Variants in REDIC1 observed in about 807,000 individuals in gnomAD.
REDIC1 encodes HEI10 Interacting Protein 1.
chr12:39,697,680 G>C, the REDIC1 span, among the ~76,000 whole-genome samples: 1 of 152,062 alleles, frequency 6.6e-6, no homozygotes, highest in Non-Finnish European at 1.5e-5. Flanking sequence ...CAATTAAGTT[G>C]TTATCAGCTT....
the REDIC1 span, among the ~76,000 whole-genome samples, chr12:39,877,936 G>T: frequency 6.6e-6 from 1 of 152,150 alleles, no homozygotes; most frequent in Non-Finnish European, 1.5e-5. Flanking sequence ...CTCAAGGTTT[G>T]GTGCTAAATC....
chr12:39,677,220 A>C, the REDIC1 span, among the ~76,000 whole-genome samples: 6 of 152,206 alleles, frequency 3.9e-5, no homozygotes, highest in Admixed American at 2.0e-4. Context: ...ATAAGAATTC[A>C]CATAAACTTA....
chr12:39,896,574 A>G, the REDIC1 span, among the ~76,000 whole-genome samples: 698 of 137,408 alleles, frequency 5.1e-3, 9 homozygotes, highest in African/African-American at 0.016. Flanking sequence ...ATATGTATGT[A>G]TGTGTGTATA....
At chr12:39,632,651 A>G in the REDIC1 span, among the ~76,000 whole-genome samples, 1 of 152,178 alleles carries the variant, frequency 6.6e-6, no homozygotes, top group African/African-American at 2.4e-5. Flanking sequence ...GTTATTGTGT[A>G]AACATCATAG....
chr12:39,783,758 G>T, the REDIC1 span, among the ~76,000 whole-genome samples: 1 of 152,182 alleles, frequency 6.6e-6, no homozygotes, highest in South Asian at 2.1e-4. Flanking sequence ...GTAGATTCTG[G>T]ATATTAGATG....
the REDIC1 span, among the ~76,000 whole-genome samples, chr12:39,712,433 C>A: frequency 1.0e-5 from 1 of 100,220 alleles, no homozygotes; most frequent in Non-Finnish European, 2.1e-5. Flanking sequence ...CGTATATATA[C>A]ATACGTATAT....
At chr12:39,713,078 TAC>T in the REDIC1 span, among the ~76,000 whole-genome samples, 34 of 148,024 alleles carry the variant, frequency 2.3e-4, no homozygotes, top group Non-Finnish European at 3.0e-4. Context: ...TACACGTGCA[TAC>T]GTGTATGTGT....
At chr12:39,747,814 A>G in the REDIC1 span, among the ~76,000 whole-genome samples, 1 of 152,210 alleles carries the variant, frequency 6.6e-6, no homozygotes, top group Non-Finnish European at 1.5e-5. Flanking sequence ...AGAATTTCAT[A>G]TCCAGCCAAA....
chr12:39,766,882 G>T, the REDIC1 span, among the ~76,000 whole-genome samples: 8 of 152,094 alleles, frequency 5.3e-5, no homozygotes, highest in African/African-American at 1.9e-4. Flanking sequence ...TAGTTCTCTT[G>T]CTGTTTTCCA....
the REDIC1 span, among the ~76,000 whole-genome samples, chr12:39,752,412 C>G: frequency 6.6e-6 from 1 of 152,124 alleles, no homozygotes; most frequent in Non-Finnish European, 1.5e-5. Flanking sequence ...ACACCATTCC[C>G]CCATCAATCC....
chr12:39,781,138 C>A, the REDIC1 span, among the ~76,000 whole-genome samples: 1 of 152,108 alleles, frequency 6.6e-6, no homozygotes, highest in African/African-American at 2.4e-5. Context: ...TTCTGAAGCA[C>A]CTTACTGATT....
the REDIC1 span, chr12:39,758,190 T>A: frequency 6.6e-6 from 1 of 151,714 alleles, no homozygotes; most frequent in Non-Finnish European, 1.5e-5. Flanking sequence ...TAATTTTTTT[T>A]ATTATATGAA....
the REDIC1 span, among the ~76,000 whole-genome samples, chr12:39,792,911 T>C: frequency 1.3e-5 from 2 of 152,140 alleles, no homozygotes; most frequent in African/African-American, 2.4e-5. Context: ...CTTTCTACTT[T>C]CTCTATGGTA....
At chr12:39,720,905 A>AAC in the REDIC1 span, 3 of 1,613,602 alleles carry the variant, frequency 1.9e-6, no homozygotes, top group Non-Finnish European at 2.5e-6. Context: ...CTTTCAGGTG[A>AAC]CAGGATTGTT....
chr12:39,721,479 A>G, the REDIC1 span: 1 of 424,766 alleles, frequency 2.4e-6, no homozygotes, highest in African/African-American at 2.1e-5. Flanking sequence ...TATATGGTAG[A>G]GTTTTTAGAA....
chr12:39,898,823 CTT>C, the REDIC1 span, among the ~76,000 whole-genome samples: 1 of 152,152 alleles, frequency 6.6e-6, no homozygotes, highest in Non-Finnish European at 1.5e-5. Context: ...AATGGGGTAA[CTT>C]CACACATTTT....
the REDIC1 span, chr12:39,640,934 T>G: frequency 6.2e-7 from 1 of 1,602,298 alleles, no homozygotes; most frequent in Non-Finnish European, 8.5e-7. Context: ...ACTATATATT[T>G]TATTCTGCTG....
the REDIC1 span, among the ~76,000 whole-genome samples, chr12:39,628,915 T>C: frequency 2.0e-5 from 3 of 152,298 alleles, no homozygotes; most frequent in Admixed American, 2.0e-4. Context: ...TTAAGTGACT[T>C]GACTAGAGGC....
the REDIC1 span, among the ~76,000 whole-genome samples, chr12:39,780,411 G>T: frequency 1.3e-5 from 2 of 152,136 alleles, no homozygotes; most frequent in Non-Finnish European, 2.9e-5. Flanking sequence ...TCTCCCCTAA[G>T]TTAGCATTCT....
Sources: allele counts gnomAD v4.1 joint callset (sites outside exome capture counted in the v4.1 genomes callset), GRCh38; gene constraint gnomAD v4.1.1; transcripts MANE v1.5; gene names NCBI Gene and HGNC (gene_info 2026-07-23, HGNC 2026-07-21).